The following FAM221A variants were observed in gnomAD, a reference collection of about 807,000 sequenced individuals.
FAM221A encodes the protein family with sequence similarity 221 member A.
FAM221A carries 43 observed loss-of-function variants against 37.6 expected under a neutral mutation model. The observed-to-expected ratio is 1.15, with a 90% CI of 0.90 to 1.48. FAM221A has a LOEUF of 1.48. FAM221A is among the 40% of genes most tolerant of loss of function. The pLI is 0.00. For synonymous variants in FAM221A, 135 were observed against 132.9 expected, an observed-to-expected ratio of 1.02 and a Z score of -0.11; for missense variants, 361 against 361.5, an observed-to-expected ratio of 1.00 and a Z score of 0.01.
chr7:23,684,686 T>C lies in FAM221A; in HGVS notation c.239+14T>C. 6.4e-7 allele frequency: 1 copy of C among 1,571,738 alleles called. No individual in the cohort carries two copies. The highest frequency in any genetic ancestry group is 8.6e-7 in the Non-Finnish European group (1 of 1,162,732). Reference sequence around the variant, plus strand: ...TTGTACACATAGGTAAGATACTTTATTGCAAAGTTTTTTGATAATTAGAAA... The same window carrying C: ...TTGTACACATAGGTAAGATACTTTACTGCAAAGTTTTTTGATAATTAGAAA... On this transcript the variant is annotated intron_variant, in intron 2 of 6. Coordinates refer to ENST00000344962, the MANE Select transcript of FAM221A (RefSeq NM_199136.5).
intron 1 of FAM221A, 21 bp downstream of exon 1, chr7:23,680,304 C>T (rs1201939115): frequency 6.6e-7 from 1 of 1,512,618 alleles, no homozygotes. Flanking sequence ...GGCTCCGGGC[C>T]TGCCCCCCCG....
intron 4 of FAM221A, among the ~76,000 whole-genome samples, chr7:23,697,407 C>A (rs1299555794): frequency 1.3e-5 from 2 of 152,172 alleles, no homozygotes; most frequent in Admixed American, 6.6e-5. Context: ...TCCTTTTGGT[C>A]CAAAAGTCAA....
At chr7:23,680,385 C>A (rs1403196285) in intron 1 of FAM221A, 102 bp downstream of exon 1, 3 of 881,236 alleles carry the variant, frequency 3.4e-6, no homozygotes, top group Non-Finnish European at 5.1e-6. Context: ...GCGGGGGTTC[C>A]CGGAATCTGT....
intron 4 of FAM221A, chr7:23,693,466 G>A (rs1784864930): frequency 1.3e-5 from 2 of 148,360 alleles, no homozygotes; most frequent in Non-Finnish European, 3.0e-5. Flanking sequence ...CATATCCCTT[G>A]CTCATTTTTT....
At chr7:23,684,053 G>A (rs528529503) in intron 1 of FAM221A, among the ~76,000 whole-genome samples, 1 of 151,970 alleles carries the variant, frequency 6.6e-6, no homozygotes, top group East Asian at 1.9e-4. Flanking sequence ...GTGCTGGGGT[G>A]ATTACTCTGG....
intron 1 of FAM221A, among the ~76,000 whole-genome samples, chr7:23,682,375 G>C (rs1051588100): frequency 5.1e-5 from 2 of 39,358 alleles, no homozygotes; most frequent in Non-Finnish European, 1.0e-4. Context: ...TTTATCATGT[G>C]TGTGTGTGTG....
rs774313037 is a variant in FAM221A at position 23,690,199 on chromosome 7, A to ATATT, written c.430+741_430+742insATTT. Among the ~76,000 whole-genome samples, 154 of 48,724 alleles carry ATATT rather than the reference A, an allele frequency of 3.2e-3. 2 individuals are homozygous for ATATT. Among genetic ancestry groups the ATATT allele is most frequent in the Middle Eastern group, 0.016 (1 of 62 alleles). 32.0% of individuals were successfully genotyped at this position (48,724 alleles called of 152,430 possible). ...TATATATATATATATATATATATAT[A>ATATT]TTTTTTTTTTTTTTAATAGAGTTTT... is the stretch of plus-strand genomic sequence containing the variant. On this transcript the variant is annotated intron_variant, in intron 3 of 6. Coordinates refer to ENST00000344962, the MANE Select transcript of FAM221A (RefSeq NM_199136.5).
At chr7:23,682,042 A>C (rs910026263) in intron 1 of FAM221A, among the ~76,000 whole-genome samples, 2 of 151,986 alleles carry the variant, frequency 1.3e-5, no homozygotes, top group East Asian at 3.9e-4. Flanking sequence ...TTGTTAGAAA[A>C]GCAGAATCTC....
chr7:23,692,502 C>T (rs976133684), intron 4 of FAM221A: 9 of 228,624 alleles, frequency 3.9e-5, no homozygotes, highest in South Asian at 1.6e-4. Flanking sequence ...CCACCACGCC[C>T]GGCTAATTTT....
chr7:23,698,107 T>C, intron 4 of FAM221A, 85 bp from the exon 5 acceptor site: 1 of 795,524 alleles, frequency 1.3e-6, no homozygotes, highest in Non-Finnish European at 2.1e-6. Flanking sequence ...CTGCTGAGGT[T>C]CCAATTTATT....
At chr7:23,690,199 A>ATATATT (rs774313037) in intron 3 of FAM221A, among the ~76,000 whole-genome samples, 95 of 48,724 alleles carry the variant, frequency 1.9e-3, no homozygotes, top group East Asian at 6.8e-3. Flanking sequence ...ATATATATAT[A>ATATATT]TTTTTTTTTT....
At chr7:23,695,811 T>C (rs1286273770) in intron 4 of FAM221A, among the ~76,000 whole-genome samples, 1 of 152,226 alleles carries the variant, frequency 6.6e-6, no homozygotes, top group African/African-American at 2.4e-5. Flanking sequence ...TTTTACTCAA[T>C]TTTTAGTTTA....
At chr7:23,699,303 C>T (rs1391207358) in intron 5 of FAM221A, among the ~76,000 whole-genome samples, 2 of 144,564 alleles carry the variant, frequency 1.4e-5, no homozygotes, top group Non-Finnish European at 3.0e-5. Flanking sequence ...TTTTTTTTTG[C>T]AGCAGCAGGG....
At position 23,684,094 on chromosome 7, in the gene FAM221A, G is replaced by C. The variant is rs191699336; in HGVS notation, c.66-405G>C. ...TCTCCTGCTGAATCATGGAGGTTTG[G>C]GGAGTTCCTTCAGACCCCCAGTAAA... On this transcript the variant is annotated intron_variant, in intron 1 of 6. Transcript: ENST00000344962. 3.1e-3 allele frequency among the ~76,000 whole-genome samples: 468 copies of C among 152,186 alleles called. 3 individuals are homozygous for C. Among genetic ancestry groups the C allele is most frequent in the Middle Eastern group, 0.014 (4 of 294 alleles).
chr7:23,694,189 T>C (rs1784914625), intron 4 of FAM221A: 2 of 152,222 alleles, frequency 1.3e-5, no homozygotes, highest in African/African-American at 4.8e-5. Context: ...TTTTTATGGC[T>C]GCATAGTATT....
intron 6 of FAM221A, among the ~76,000 whole-genome samples, chr7:23,701,618 A>G (rs1166062961): frequency 2.6e-5 from 4 of 152,158 alleles, no homozygotes; most frequent in Non-Finnish European, 4.4e-5. Flanking sequence ...AAATTACCCA[A>G]TACACATCTG....
intron 4 of FAM221A, chr7:23,692,722 C>T (rs1784825340): frequency 1.0e-6 from 1 of 982,442 alleles, no homozygotes; most frequent in South Asian, 4.7e-5. Context: ...TGCAAAACAC[C>T]CTTGAATACT....
chr7:23,686,613 C>A, intron 2 of FAM221A: 1 of 163,466 alleles, frequency 6.1e-6, no homozygotes, highest in Non-Finnish European at 1.3e-5. Flanking sequence ...AGTACTGATC[C>A]ACTCAGTGAG....
At chr7:23,692,735 T>C in intron 4 of FAM221A, 1 of 982,200 alleles carries the variant, frequency 1.0e-6, no homozygotes, top group Non-Finnish European at 1.2e-6. Flanking sequence ...TGAATACTTC[T>C]CTTTGTCTAA....
Sources: gnomAD v4.1 joint callset for allele counts (sites outside exome capture counted in the v4.1 genomes callset) on GRCh38, gnomAD v4.1.1 for gene constraint, MANE v1.5 for transcripts, NCBI Gene and HGNC (gene_info 2026-07-23, HGNC 2026-07-21) for gene names.